ABI3: variants seen among roughly 807,000 people sequenced by gnomAD.
The protein encoded by ABI3 is ABI family member 3.
In ABI3, 24 loss-of-function variants were observed where a neutral mutation model predicts 37.0. The ratio of observed to expected loss-of-function variants is 0.65; its 90% CI spans 0.47 to 0.91. The LOEUF is 0.91. Ranked by LOEUF, ABI3 falls within the 40% of genes least tolerant of loss-of-function variation. The pLI, the probability that ABI3 is intolerant of heterozygous loss-of-function variation, is 0.00. For synonymous variants in ABI3, 220 were observed against 211.8 expected (o/e 1.04, Z -0.34); for missense variants, 481 against 485.1 (o/e 0.99, Z 0.08).
At position 49,217,837 on chromosome 17, in the gene ABI3, G is replaced by A. The variant is rs2043238052; in HGVS notation, c.384G>A (p.Glu128=). ...LPPGQKVIAP[E]NLPPLTPYCR... Reference sequence around the variant, plus strand: ...CCGGCCAGAAGGTCATCGCCCCAGAGAACCTACCCCCTCTCACGCCCTACT... The same window carrying A: ...CCGGCCAGAAGGTCATCGCCCCAGAAAACCTACCCCCTCTCACGCCCTACT... Residue 128 remains glutamate, a synonymous_variant, in exon 3 of 8, where the codon GAG becomes GAA. Transcript: ENST00000225941. The A allele has an allele frequency of 6.2e-7, 1 of 1,608,600 alleles. No homozygotes were observed. Among genetic ancestry groups the A allele is most frequent in the East Asian group, 2.3e-5 (1 of 44,256 alleles).
At position 49,216,831 on chromosome 17, in the gene ABI3, T is replaced by C. The variant is rs916703770; in HGVS notation, c.285+133T>C. On this transcript the variant is annotated intron_variant, in intron 2 of 7. Coordinates refer to ENST00000225941, the MANE Select transcript of ABI3 (RefSeq NM_016428.3). ...AAATGCCCAACTCTACAGCAGAAGG[T>C]TGGCACTTCCCAAGCTTTTTGGACC... 4 of 1,140,148 alleles carry C rather than the reference T, an allele frequency of 3.5e-6. No homozygotes were observed. In the Admixed American group the frequency reaches 1.2e-4, roughly 33 times the overall value. 70.6% of individuals were successfully genotyped at this position (1,140,148 alleles called of 1,614,324 possible).
At chr17:49,215,141 C>T (rs955428821) in intron 1 of ABI3, among the ~76,000 whole-genome samples, 1 of 152,114 alleles carries the variant, frequency 6.6e-6, no homozygotes, top group Admixed American at 6.5e-5. Context: ...GAAGCTGAGG[C>T]CTGCTAATAA....
Position 49,219,613 on chromosome 17 carries a change from C to G in ABI3, c.536C>G (p.Ser179Cys), listed in dbSNP as rs1357338474. ...KSIKAPATPA[S>C]ATLGRPPRIP... The stretch of plus-strand genomic sequence containing the variant: ...ATCAAGGCCCCTGCCACACCCGCCT[C>G]CGCCACCTTGGGGTGAGGCCTCGCC... Residue 179 changes from serine (S) to cysteine (C), a missense_variant, in exon 4 of 8, where the codon TCC (serine) becomes TGC (cysteine). Physicochemically the swap from Ser to Cys is moderately radical, Grantham distance 112. Coordinates refer to ENST00000225941, the MANE Select transcript of ABI3 (RefSeq NM_016428.3). The surrounding 1 kb of genome is among the most constrained non-coding windows in gnomAD (Gnocchi z 4.3). The G allele has an allele frequency of 1.2e-6, 2 of 1,605,778 alleles. No homozygotes were observed. The highest frequency in any genetic ancestry group is 2.2e-5 in the South Asian group (2 of 89,662).
chr17:49,220,469 A>G (rs2043272753), intron 6 of ABI3, 143 bp downstream of exon 6: 3 of 1,103,550 alleles, frequency 2.7e-6, no homozygotes, highest in Non-Finnish European at 3.8e-6. Flanking sequence ...GCGAAAGGAG[A>G]CAGAGGAAGT....
At chr17:49,214,115 A>G (rs1465138424) in intron 1 of ABI3, among the ~76,000 whole-genome samples, 1 of 152,234 alleles carries the variant, frequency 6.6e-6, no homozygotes, top group Non-Finnish European at 1.5e-5. Context: ...CTCAGGCTCC[A>G]TTAGAGGCTC....
chr17:49,221,322 T>C (rs1015987486), intron 6 of ABI3, among the ~76,000 whole-genome samples: 7 of 149,934 alleles, frequency 4.7e-5, no homozygotes, highest in African/African-American at 1.7e-4. Context: ...TACAAAAAAA[T>C]TAGCCGGGCG....
At chr17:49,214,633 C>T (rs2143517538) in intron 1 of ABI3, among the ~76,000 whole-genome samples, 1 of 152,298 alleles carries the variant, frequency 6.6e-6, no homozygotes, top group South Asian at 2.1e-4. Context: ...TCGCTTGAAC[C>T]CAGGAGGCGG....
At chr17:49,220,598 A>G (rs1230679770) in intron 6 of ABI3, among the ~76,000 whole-genome samples, 1 of 152,040 alleles carries the variant, frequency 6.6e-6, no homozygotes, top group African/African-American at 2.4e-5. Context: ...TAATCCCAGC[A>G]GTTTGGGTGG....
Position 49,219,437 on chromosome 17 carries a change from C to T in ABI3, c.463-103C>T. ...GTGGGAACTGGCTATGCCGGGCTCT[C>T]CCTCCCGGTTCCCGTCCGCCCCTCC... On this transcript the variant is annotated intron_variant, in intron 3 of 7. Transcript: ENST00000225941. The surrounding 1 kb of genome is among the most constrained non-coding windows in gnomAD (Gnocchi z 4.3). 1 of 1,027,142 alleles carries T rather than the reference C, an allele frequency of 9.7e-7. No homozygotes were observed. Among genetic ancestry groups the T allele is most frequent in the Non-Finnish European group, 1.4e-6 (1 of 695,576 alleles). 63.6% of individuals were successfully genotyped at this position (1,027,142 alleles called of 1,614,324 possible). A position where few individuals can be genotyped will look rare whatever the true frequency, so the allele number is the denominator to read the frequency against.
intron 3 of ABI3, among the ~76,000 whole-genome samples, chr17:49,218,455 C>T (rs2143530386): frequency 6.6e-6 from 1 of 152,308 alleles, no homozygotes; most frequent in African/African-American, 2.4e-5. Flanking sequence ...CCCGTCCCAC[C>T]TTCAATTCCT....
intron 6 of ABI3, among the ~76,000 whole-genome samples, chr17:49,221,046 G>A (rs1311433622): frequency 6.6e-6 from 1 of 151,084 alleles, no homozygotes; most frequent in Non-Finnish European, 1.5e-5. Flanking sequence ...GGTGGTGCGT[G>A]CCTGTAATTC....
rs188890591 is a variant in ABI3, at chr17:49,215,583, C to T, written c.118-948C>T. 7.9e-5 allele frequency among the ~76,000 whole-genome samples: 12 copies of T among 152,036 alleles called. No homozygotes were observed. In the East Asian group the frequency reaches 9.8e-4, roughly 12 times the overall value. On this transcript the variant is annotated intron_variant, in intron 1 of 7. Coordinates refer to ENST00000225941, the MANE Select transcript of ABI3 (RefSeq NM_016428.3). ...TGTGATTTTGGCTCACTGCAACCTCCGCCTCCCGGGTTCAAGTGATTCTCA... is the reference window on the plus strand; with the variant it reads ...TGTGATTTTGGCTCACTGCAACCTCTGCCTCCCGGGTTCAAGTGATTCTCA...
At chr17:49,216,113 GA>G (rs35665132) in intron 1 of ABI3, among the ~76,000 whole-genome samples, 76,482 of 125,194 alleles carry the variant, frequency 0.61, 22,430 homozygotes, top group South Asian at 0.75. Context: ...CTCCATCTCA[GA>G]AAAAAAAAAA....
chr17:49,222,966 C>G lies in ABI3; in HGVS notation c.*251C>G. On this transcript the variant is annotated 3_prime_UTR_variant, in exon 8 of 8. Coordinates refer to ENST00000225941, the MANE Select transcript of ABI3 (RefSeq NM_016428.3). ...CAGAGGACCCCTACTCCATGCAGGA[C>G]AGGGTCTCCTGCTGCAAGTCCCAAC... is the stretch of plus-strand genomic sequence containing the variant. The G allele has an allele frequency of 1.9e-6, 1 of 531,564 alleles. No individual in the cohort carries two copies. The allele number at this position is 531,564 out of a possible 1,614,324, so 32.9% of individuals were successfully genotyped here.
In ABI3 at chr17:49,217,927, G is replaced by A; in HGVS notation, c.462+12G>A. On this transcript the variant is annotated intron_variant, in intron 3 of 7. Coordinates refer to ENST00000225941, the MANE Select transcript of ABI3 (RefSeq NM_016428.3). ...GCCATGGGATCAAGGTAGAGAGAGG[G>A]GCCCTCCTCTTTCCCTCCAACCCAC... 1 of 1,504,788 alleles carries A rather than the reference G, an allele frequency of 6.6e-7. No homozygotes were observed. The allele number at this position is 1,504,788 out of a possible 1,614,324, so 93.2% of individuals were successfully genotyped here. A position where few individuals can be genotyped will look rare whatever the true frequency, so the allele number is the denominator to read the frequency against.
chr17:49,222,755 T>A lies in ABI3; in HGVS notation c.*40T>A. On this transcript the variant is annotated 3_prime_UTR_variant, in exon 8 of 8. Transcript: ENST00000225941. ...CTGGGCAGCTGATGTCTGCACTGAG[T>A]GGGTTTCATGAGCCCCAAGCCAAAA... 5 of 1,527,398 alleles carry A rather than the reference T, an allele frequency of 3.3e-6. No individual in the cohort carries two copies. Among genetic ancestry groups the A allele is most frequent in the Non-Finnish European group, 4.4e-6 (5 of 1,136,386 alleles). 94.6% of individuals were successfully genotyped at this position (1,527,398 alleles called of 1,614,324 possible). A position where few individuals can be genotyped will look rare whatever the true frequency, so the allele number is the denominator to read the frequency against.
chr17:49,220,199 G>C lies in ABI3; in HGVS notation c.675G>C (p.Thr225=). The change falls in exon 6 of 8, where the codon ACG becomes ACC. Residue 225 remains threonine (T), a synonymous_variant. Coordinates refer to ENST00000225941, the MANE Select transcript of ABI3 (RefSeq NM_016428.3). ...CCGAAGGTGTCGGTGGGGCCCCCAC[G>C]CCCAAGGGGCAGGCAGCACCTCCAG... The part of the protein sequence containing the change: ...GSAEGVGGAP[T]PKGQAAPPAP... 1.9e-6 allele frequency: 3 copies of C among 1,612,164 alleles called. No individual in the cohort carries two copies.
chr17:49,222,033 T>C, intron 6 of ABI3, 58 bp from the exon 7 acceptor site: 2 of 1,514,442 alleles, frequency 1.3e-6, no homozygotes, highest in South Asian at 1.3e-5. Flanking sequence ...AGCAGTTCCC[T>C]GACACACTGA....
At chr17:49,213,736 C>G (rs2043193185) in intron 1 of ABI3, among the ~76,000 whole-genome samples, 1 of 152,216 alleles carries the variant, frequency 6.6e-6, no homozygotes, top group African/African-American at 2.4e-5. Flanking sequence ...CAAGCAGACA[C>G]TTTTCCTGTT....
Sources: allele counts gnomAD v4.1 joint callset (sites outside exome capture counted in the v4.1 genomes callset), GRCh38; gene constraint gnomAD v4.1.1; non-coding constraint Gnocchi (gnomAD v3.1); transcripts MANE v1.5; gene names NCBI Gene and HGNC (gene_info 2026-07-23, HGNC 2026-07-21).